Variants in ANGPT1 observed in about 807,000 individuals in gnomAD.
ANGPT1 encodes angiopoietin 1.
A neutral mutation model predicts 62.2 loss-of-function variants in ANGPT1; 17 were observed. That is an observed-to-expected ratio of 0.27 (90% CI 0.19 to 0.41). The LOEUF is 0.41. Among genes scored for constraint, ANGPT1 ranks in the 10% least tolerant of loss-of-function variants. The pLI, the probability that ANGPT1 is intolerant of heterozygous loss-of-function variation, is 1.00. For synonymous variants in ANGPT1, 199 were observed against 198.9 expected, an observed-to-expected ratio of 1.00 and a Z score of 0.00; for missense variants, 478 against 594.9, an observed-to-expected ratio of 0.80 and a Z score of 2.04.
At chr8:107,334,205 T>C (rs1815506472) in intron 3 of ANGPT1, among the ~76,000 whole-genome samples, 1 of 152,110 alleles carries the variant, frequency 6.6e-6, no homozygotes, top group African/African-American at 2.4e-5. Flanking sequence ...CAGACAAAGA[T>C]ATAATATGCA....
chr8:107,384,309 A>G lies in ANGPT1; in HGVS notation c.298-37212T>C, dbSNP rs145786892. Among the ~76,000 whole-genome samples the G allele has an allele frequency of 6.6e-5, 10 of 152,288 alleles. No homozygotes were observed. The East Asian group carries it at 1.9e-3, about 29-fold the overall frequency. The stretch of plus-strand genomic sequence containing the variant: ...ATACAGGATTAAGAACCTCTAAGTC[A>G]CTTTTCTGATTCTCAATAATATTCT... On this transcript the variant is annotated intron_variant, in intron 1 of 8. Coordinates refer to ENST00000517746, the MANE Select transcript of ANGPT1 (RefSeq NM_001146.5).
intron 1 of ANGPT1, among the ~76,000 whole-genome samples, chr8:107,443,086 G>A (rs941285935): frequency 7.2e-5 from 11 of 152,116 alleles, no homozygotes; most frequent in African/African-American, 2.2e-4. Context: ...TTGTGTGTGT[G>A]TTCCCCTTTT....
At position 107,422,903 on chromosome 8, in the gene ANGPT1, T is replaced by C. The variant is rs192179851; in HGVS notation, c.297+74359A>G. Among the ~76,000 whole-genome samples, 96 of 152,312 alleles carry C rather than the reference T, an allele frequency of 6.3e-4. No individual in the cohort carries two copies. In the Middle Eastern group the frequency reaches 0.01, roughly 16 times the overall value. On this transcript the variant is annotated intron_variant, in intron 1 of 8. Coordinates refer to ENST00000517746, the MANE Select transcript of ANGPT1 (RefSeq NM_001146.5). ...AAATGATACGTGAAAAACTCTATAG[T>C]AAACATTTTCGCAGAGAAATTTGCA...
At chr8:107,317,438 CA>C (rs1169767382) in intron 4 of ANGPT1, among the ~76,000 whole-genome samples, 1 of 152,168 alleles carries the variant, frequency 6.6e-6, no homozygotes, top group Non-Finnish European at 1.5e-5. Flanking sequence ...GTGAGACAAT[CA>C]GACTATGTAA....
At chr8:107,367,273 TG>T (rs1816294821) in intron 1 of ANGPT1, among the ~76,000 whole-genome samples, 1 of 152,160 alleles carries the variant, frequency 6.6e-6, no homozygotes, top group Non-Finnish European at 1.5e-5. Context: ...GTCTATTAAG[TG>T]TGAAATAGCA....
chr8:107,358,474 T>A (rs1816096023), intron 1 of ANGPT1, among the ~76,000 whole-genome samples: 1 of 152,080 alleles, frequency 6.6e-6, no homozygotes, highest in African/African-American at 2.4e-5. Context: ...GCTTGTTACA[T>A]CCCAAGTGCT....
intron 6 of ANGPT1, among the ~76,000 whole-genome samples, chr8:107,285,379 A>T (rs1429724632): frequency 6.6e-6 from 1 of 152,128 alleles, no homozygotes; most frequent in East Asian, 1.9e-4. Flanking sequence ...TAAAAACCAT[A>T]ATTACTTTTG....
At chr8:107,351,478 T>G (rs769428293) in intron 1 of ANGPT1, among the ~76,000 whole-genome samples, 4 of 152,048 alleles carry the variant, frequency 2.6e-5, no homozygotes, top group Non-Finnish European at 5.9e-5. Flanking sequence ...AGTGTTCTGT[T>G]ATTGGACTGG....
intron 3 of ANGPT1, chr8:107,322,775 C>CA: frequency 3.7e-6 from 1 of 268,152 alleles, no homozygotes; most frequent in South Asian, 3.8e-5. Flanking sequence ...AGAAAATGCT[C>CA]AAAATATGTT....
chr8:107,415,891 T>G (rs1345863506), intron 1 of ANGPT1, among the ~76,000 whole-genome samples: 2 of 152,018 alleles, frequency 1.3e-5, no homozygotes, highest in Non-Finnish European at 2.9e-5. Context: ...GCTATAAAAG[T>G]AAGACCAGAA....
At chr8:107,295,425 AT>A (rs1416812179) in intron 5 of ANGPT1, 1 of 152,002 alleles carries the variant, frequency 6.6e-6, no homozygotes, top group Non-Finnish European at 1.5e-5. Context: ...TTATTCATTT[AT>A]TTTTTGATTT....
chr8:107,340,076 T>G (rs1349805817), intron 2 of ANGPT1, among the ~76,000 whole-genome samples: 2 of 152,188 alleles, frequency 1.3e-5, no homozygotes, highest in Admixed American at 6.5e-5. Flanking sequence ...GAGAATTGCA[T>G]AGCAAACTAT....
At chr8:107,417,899 C>T (rs1447173638) in intron 1 of ANGPT1, among the ~76,000 whole-genome samples, 5 of 152,098 alleles carry the variant, frequency 3.3e-5, no homozygotes, top group African/African-American at 1.2e-4. Context: ...AAATGAGGGC[C>T]TCGGGGGACA....
chr8:107,483,088 C>T (rs374453641), intron 1 of ANGPT1, among the ~76,000 whole-genome samples: 2 of 151,852 alleles, frequency 1.3e-5, no homozygotes, highest in East Asian at 3.9e-4. Context: ...TTTATGATAT[C>T]TTTTTGGCCA....
At chr8:107,256,274 G>T (rs1362471805) in intron 8 of ANGPT1, among the ~76,000 whole-genome samples, 1 of 152,188 alleles carries the variant, frequency 6.6e-6, no homozygotes, top group African/African-American at 2.4e-5. Context: ...TTACTTCTGT[G>T]TAGGCAAGGA....
At chr8:107,330,247 A>C (rs1405158540) in intron 3 of ANGPT1, among the ~76,000 whole-genome samples, 2 of 152,176 alleles carry the variant, frequency 1.3e-5, no homozygotes, top group Non-Finnish European at 2.9e-5. Context: ...ATACAGTACA[A>C]TTATTGTCAT....
intron 1 of ANGPT1, among the ~76,000 whole-genome samples, chr8:107,370,407 A>AGAAAGG: frequency 1.4e-5 from 1 of 71,972 alleles, no homozygotes; most frequent in Middle Eastern, 8.8e-3. Context: ...AAAGAAAGAA[A>AGAAAGG]GAGTCAGGGT....
chr8:107,283,896 C>A (rs1469432644), intron 7 of ANGPT1: 1 of 152,174 alleles, frequency 6.6e-6, no homozygotes, highest in African/African-American at 2.4e-5. Context: ...TAGTTAGTAA[C>A]AAAGCTTGAC....
intron 4 of ANGPT1, among the ~76,000 whole-genome samples, chr8:107,316,404 C>A (rs973496242): frequency 6.6e-6 from 1 of 152,140 alleles, no homozygotes; most frequent in Non-Finnish European, 1.5e-5. Context: ...CTGTGCTTAG[C>A]TTACCTTTCA....
Sources: gnomAD v4.1 joint callset for allele counts (sites outside exome capture counted in the v4.1 genomes callset) on GRCh38, gnomAD v4.1.1 for gene constraint, MANE v1.5 for transcripts, NCBI Gene and HGNC (gene_info 2026-07-23, HGNC 2026-07-21) for gene names.